ZNF296: variants seen among roughly 807,000 people sequenced by gnomAD.
The protein encoded by ZNF296 is zinc finger protein 342.
A neutral mutation model predicts 13.2 loss-of-function variants in ZNF296; 1 was observed. The observed-to-expected ratio is 0.08, with a 90% CI of 0.03 to 0.36. ZNF296 has a LOEUF of 0.36. Ranked by LOEUF, ZNF296 falls within the 10% of genes least tolerant of loss-of-function variation. The pLI is 0.99. For missense variants in ZNF296, 555 were observed against 688.2 expected (o/e 0.81, Z 2.16); for synonymous variants, 303 against 289.0 (o/e 1.05, Z -0.49).
In ZNF296 at chr19:45,071,959, G is replaced by A. The variant is rs1182362738; in HGVS notation, c.1070C>T (p.Thr357Met). ...GTTTGCAGGGTCAGTTCTTTGTTCCGTGGTGATGGCTCCCCAAGTGTCTCC... is the reference window on the plus strand; with the variant it reads ...GTTTGCAGGGTCAGTTCTTTGTTCCATGGTGATGGCTCCCCAAGTGTCTCC... ...PGGDTWGAIT[T>M]EQRTDPANSQ... Residue 357 changes from threonine to methionine, a missense_variant, in exon 3 of 3, where the codon ACG (threonine) becomes ATG (methionine). Coordinates refer to ENST00000303809, the MANE Select transcript of ZNF296 (RefSeq NM_145288.3). The A allele has an allele frequency of 2.5e-6, 4 of 1,613,554 alleles. No homozygotes were observed. Among genetic ancestry groups the A allele is most frequent in the South Asian group, 1.1e-5 (1 of 91,084 alleles).
Position 45,076,144 on chromosome 19 carries a change from G to A in ZNF296, c.230C>T (p.Ala77Val), listed in dbSNP as rs1334779463. The change falls in exon 1 of 3, where the codon GCC becomes GTC. Residue 77 changes from alanine to valine, a missense_variant. Ala to Val is a moderately conservative substitution (Grantham distance 64, BLOSUM62 0). Coordinates refer to ENST00000303809, the MANE Select transcript of ZNF296 (RefSeq NM_145288.3). The surrounding 1 kb of genome is among the most constrained non-coding windows in gnomAD (Gnocchi z 4.9). ...CCGCGGGCCGAGGGCGAGGAGGGCGGCCCCGGCGGGCATGGGGCCAGGGGA... is the reference window on the plus strand; with the variant it reads ...CCGCGGGCCGAGGGCGAGGAGGGCGACCCCGGCGGGCATGGGGCCAGGGGA... ...HHSPGPMPAG[A>V]ALLALGPRNP... 5 of 1,548,886 alleles carry A rather than the reference G, an allele frequency of 3.2e-6. No individual in the cohort carries two copies. The highest frequency in any genetic ancestry group is 2.2e-5 in the Admixed American group (1 of 45,724).
At chr19:45,074,573 C>G (rs1967310997) in intron 2 of ZNF296, among the ~76,000 whole-genome samples, 3 of 152,152 alleles carry the variant, frequency 2.0e-5, no homozygotes, top group Non-Finnish European at 4.4e-5. Flanking sequence ...ATGGGACAAC[C>G]TTTGTGATAC....
Position 45,072,359 on chromosome 19 carries a change from T to C in ZNF296, c.670A>G (p.Ser224Gly), listed in dbSNP as rs149161843. ...GTGGGGCTCCGCCGGGTGAGGCCGC[T>C]GCCACTTGCACGGGGGCTCTTGGCC... Reference protein sequence around the residue: ...AEAKSPRASGSGLTRRSPTCP... With the variant: ...AEAKSPRASGGGLTRRSPTCP... The change falls in exon 3 of 3, where the codon AGC (serine) becomes GGC (glycine). Residue 224 changes from serine (S) to glycine (G), a missense_variant. Around this residue, in one of 3 missense-constraint regions of ZNF296, gnomAD observed 410 missense variants for 548.0 expected, o/e 0.75. Coordinates refer to ENST00000303809, the MANE Select transcript of ZNF296 (RefSeq NM_145288.3). 9 of 1,612,610 alleles carry C rather than the reference T, an allele frequency of 5.6e-6. No homozygotes were observed. The highest frequency in any genetic ancestry group is 7.6e-6 in the Non-Finnish European group (9 of 1,179,908).
rs539250008 is a variant in ZNF296, at chr19:45,072,343, C to T, written c.686G>A (p.Arg229Gln). 95 of 1,612,736 alleles carry T rather than the reference C, an allele frequency of 5.9e-5. No individual in the cohort carries two copies. The highest frequency in any genetic ancestry group is 3.3e-4 in the East Asian group (15 of 44,876). ...PRASGSGLTR[R>Q]SPTCPVCKKT... ...CTTGCACACAGGACAGGTGGGGCTC[C>T]GCCGGGTGAGGCCGCTGCCACTTGC... The change falls in exon 3 of 3, where the codon CGG becomes CAG. Residue 229 changes from arginine (R) to glutamine (Q), a missense_variant. Coordinates refer to ENST00000303809, the MANE Select transcript of ZNF296 (RefSeq NM_145288.3).
chr19:45,073,775 GC>G (rs1967296096), intron 2 of ZNF296, among the ~76,000 whole-genome samples: 1 of 151,276 alleles, frequency 6.6e-6, no homozygotes, highest in African/African-American at 2.4e-5. Flanking sequence ...TGTCATCCCA[GC>G]ACTTTGGGAG....
Position 45,076,398 on chromosome 19 carries a change from G to GGGCGGGCA in ZNF296, c.-33_-26dup, listed in dbSNP as rs1347557846. ...TGAGTCGCGGGCCGGGCGAGCGAGC[G>GGGCGGGCA]GGCGGGCAGGCAGGCAGGCGGGCGG... On this transcript the variant is annotated 5_prime_UTR_variant, in exon 1 of 3. Coordinates refer to ENST00000303809, the MANE Select transcript of ZNF296 (RefSeq NM_145288.3). This position sits in a 1 kb window ranked among gnomAD's most constrained non-coding sequence, Gnocchi z 4.9. 5 of 1,244,928 alleles carry GGGCGGGCA rather than the reference G, an allele frequency of 4.0e-6. No homozygotes were observed. The highest frequency in any genetic ancestry group is 5.0e-6 in the Non-Finnish European group (5 of 994,546). The allele number at this position is 1,244,928 out of a possible 1,614,324, so 77.1% of individuals were successfully genotyped here.
At chr19:45,074,601 G>A (rs1967311317) in intron 2 of ZNF296, among the ~76,000 whole-genome samples, 1 of 152,188 alleles carries the variant, frequency 6.6e-6, no homozygotes, top group African/African-American at 2.4e-5. Flanking sequence ...CCTGGGTCAA[G>A]AGCACAGGCC....
At chr19:45,073,708 G>A (rs1017138061) in intron 2 of ZNF296, among the ~76,000 whole-genome samples, 7 of 151,660 alleles carry the variant, frequency 4.6e-5, no homozygotes, top group Non-Finnish European at 1.5e-5. Context: ...TACCTGGCTG[G>A]GAGCAGAGGC....
At chr19:45,072,833 C>G (rs1967282569) in intron 2 of ZNF296, among the ~76,000 whole-genome samples, 1 of 152,176 alleles carries the variant, frequency 6.6e-6, no homozygotes, top group African/African-American at 2.4e-5. Flanking sequence ...ACGATCTCAG[C>G]TCACTGCAAC....
At position 45,072,163 on chromosome 19, in the gene ZNF296, G is replaced by T. The variant is rs770291683; in HGVS notation, c.866C>A (p.Pro289His). The T allele has an allele frequency of 1.7e-5, 27 of 1,603,384 alleles. No individual in the cohort carries two copies. The Admixed American group carries it at 4.6e-4, about 27-fold the overall frequency. ...CTCCTGGCTGGTGTCGGCCATGAGG[G>T]GGCTCTGGGGCGGCACCTGCCGGTG... ...KTHRQVPPQS[P>H]LMADTSQEQA... is the part of the protein sequence containing the mutation. The change falls in exon 3 of 3, where the codon CCC becomes CAC. Residue 289 changes from proline to histidine, a missense_variant. Physicochemically the swap from Pro to His is moderately conservative, Grantham distance 77. Transcript: ENST00000303809.
intron 2 of ZNF296, 36 bp downstream of exon 2, chr19:45,075,677 G>A: frequency 1.2e-6 from 2 of 1,605,944 alleles, no homozygotes; most frequent in Non-Finnish European, 1.7e-6. Flanking sequence ...CCCAGCCCTC[G>A]AACTTGAGAG....
chr19:45,074,815 A>C (rs2122635064), intron 2 of ZNF296, among the ~76,000 whole-genome samples: 1 of 152,284 alleles, frequency 6.6e-6, no homozygotes, highest in South Asian at 2.1e-4. Context: ...CAAGGTGCCC[A>C]TGATTCTCCA....
In ZNF296 at chr19:45,076,310, C is replaced by T; in HGVS notation, c.64G>A (p.Asp22Asn). Residue 22 changes from aspartate to asparagine, a missense_variant, in exon 1 of 3, where the codon GAC becomes AAC. By Grantham distance (23) the Asp-to-Asn change is conservative. This residue lies in a region of ZNF296 where 137 missense variants were observed against 121.9 expected (regional missense o/e 1.12). Transcript: ENST00000303809. This position sits in a 1 kb window ranked among gnomAD's most constrained non-coding sequence, Gnocchi z 4.9. ...RVEPAPAANPDDEMEMQDLVI... is the reference protein window; with the variant it reads ...RVEPAPAANPNDEMEMQDLVI... The stretch of plus-strand genomic sequence containing the variant: ...AGGTCCTGCATTTCCATCTCGTCGT[C>T]TGGGTTGGCGGCGGGCGCGGGCTCT... The T allele has an allele frequency of 2.1e-6, 3 of 1,432,454 alleles. No individual in the cohort carries two copies. The highest frequency in any genetic ancestry group is 1.9e-4 in the Middle Eastern group (1 of 5,342). The allele number at this position is 1,432,454 out of a possible 1,614,324, so 88.7% of individuals were successfully genotyped here.
intron 2 of ZNF296, 142 bp downstream of exon 2, chr19:45,075,569 GGC>G (rs1477897133): frequency 1.8e-6 from 1 of 558,210 alleles, no homozygotes; most frequent in Admixed American, 3.6e-5. Context: ...AGGACGGGCA[GGC>G]CCTGGCCACG....
chr19:45,072,758 GCTAAGTA>G (rs1168070121), intron 2 of ZNF296, among the ~76,000 whole-genome samples, 178 bp from the exon 3 acceptor site: 2 of 96,028 alleles, frequency 2.1e-5, no homozygotes, highest in African/African-American at 6.9e-5. Context: ...TGGAGTGGGT[GCTAAGTA>G]CCTGAAAACA....
At chr19:45,072,671 T>A in intron 2 of ZNF296, 91 bp from the exon 3 acceptor site, 1 of 1,459,806 alleles carries the variant, frequency 6.9e-7, no homozygotes, top group Non-Finnish European at 9.1e-7. Context: ...GCAAAGGACT[T>A]GGCAGTAACA....
Position 45,072,045 on chromosome 19 carries a change from G to A in ZNF296, c.984C>T (p.Ala328=), listed in dbSNP as rs763934610. The change falls in exon 3 of 3, where the codon GCC becomes GCT. Residue 328 remains alanine (A), a synonymous_variant. Transcript: ENST00000303809. Reference sequence around the variant, plus strand: ...CGGGTTCCTGGACACCTGCTGTGGCGGCGGCTCCAGCCCCCTCACCACCGC... The same window carrying A: ...CGGGTTCCTGGACACCTGCTGTGGCAGCGGCTCCAGCCCCCTCACCACCGC... ...PCSGGEGAGA[A]ATAGVQEPGA... is the part of the protein sequence containing the mutation. The A allele has an allele frequency of 6.6e-5, 106 of 1,612,536 alleles. No individual in the cohort carries two copies. Among genetic ancestry groups the A allele is most frequent in the Non-Finnish European group, 8.1e-5 (96 of 1,179,966 alleles).
At chr19:45,073,299 C>CTTT (rs967171202) in intron 2 of ZNF296, among the ~76,000 whole-genome samples, 4 of 136,280 alleles carry the variant, frequency 2.9e-5, no homozygotes, top group Non-Finnish European at 4.8e-5. Context: ...GGCTTGCTTG[C>CTTT]TTTTTTTTTT....
At position 45,072,534 on chromosome 19, in the gene ZNF296, C is replaced by T. The variant is rs781249815; in HGVS notation, c.495G>A (p.Gln165=). 1.2e-6 allele frequency: 2 copies of T among 1,612,904 alleles called. No individual in the cohort carries two copies. The highest frequency in any genetic ancestry group is 1.7e-5 in the Admixed American group (1 of 59,826). The change falls in exon 3 of 3, where the codon CAG becomes CAA. Residue 165 remains glutamine (Q), a synonymous_variant. Coordinates refer to ENST00000303809, the MANE Select transcript of ZNF296 (RefSeq NM_145288.3). ...KALSCLRCGK[Q]FTVAWKLLRH... is the part of the protein sequence containing the mutation. The stretch of plus-strand genomic sequence containing the variant: ...GCAGCAGCTTCCAGGCCACTGTGAA[C>T]TGTTTGCCACAGCGCAGGCAGCTCA...
Sources: gnomAD v4.1 joint callset for allele counts (sites outside exome capture counted in the v4.1 genomes callset) on GRCh38, gnomAD v4.1.1 for gene constraint, gnomAD v4.1.1 regional missense constraint, Gnocchi (gnomAD v3.1) non-coding constraint, MANE v1.5 for transcripts, NCBI Gene and HGNC (gene_info 2026-07-23, HGNC 2026-07-21) for gene names.